Variants in THADA observed in about 807,000 individuals in gnomAD.
THADA encodes the protein THADA armadillo repeat containing, also known as tRNA (32-2'-O)-methyltransferase regulator THADA.
Under a neutral mutation model 219.8 loss-of-function variants are expected in THADA, and 213 were observed. The ratio of observed to expected loss-of-function variants is 0.97; its 90% CI spans 0.87 to 1.09. The LOEUF (loss-of-function observed/expected upper bound fraction) is 1.09, where lower values mean the gene tolerates loss of function less well. Among genes scored for constraint, THADA ranks in the 50% least tolerant of loss-of-function variants. THADA has a pLI of 0.00. For missense variants in THADA, 2,956 were observed against 2,311.3 expected (o/e 1.28, Z -5.72); for synonymous variants, 1,018 against 828.9 (o/e 1.23, Z -3.92).
chr2:43,399,185 G>C (rs1313702784), intron 28 of THADA, among the ~76,000 whole-genome samples: 1 of 152,168 alleles, frequency 6.6e-6, no homozygotes, highest in African/African-American at 2.4e-5. Flanking sequence ...AAGACTTCAT[G>C]ATTTTTCATC....
intron 32 of THADA, 48 bp downstream of exon 32, chr2:43,292,786 A>C: frequency 6.4e-7 from 1 of 1,568,788 alleles, no homozygotes; most frequent in African/African-American, 1.3e-5. Flanking sequence ...TGGCTCACAA[A>C]AGAATGTGGG....
At chr2:43,474,902 C>A (rs1027502137) in intron 26 of THADA, among the ~76,000 whole-genome samples, 4 of 152,094 alleles carry the variant, frequency 2.6e-5, no homozygotes, top group African/African-American at 9.7e-5. Flanking sequence ...TCTACTAAGC[C>A]TGAGCGGTCT....
intron 1 of THADA, among the ~76,000 whole-genome samples, chr2:43,595,352 A>C (rs1407629318): frequency 6.6e-6 from 1 of 152,198 alleles, no homozygotes; most frequent in African/African-American, 2.4e-5. Flanking sequence ...AGGGATAGTC[A>C]GATCTAGAGG....
intron 26 of THADA, among the ~76,000 whole-genome samples, chr2:43,462,703 T>C (rs1296731483): frequency 1.3e-5 from 2 of 152,318 alleles, no homozygotes; most frequent in South Asian, 2.1e-4. Flanking sequence ...CTGTGCCCTA[T>C]GGTTGCCATT....
chr2:43,365,447 T>C (rs987674228), intron 29 of THADA, among the ~76,000 whole-genome samples: 2 of 151,878 alleles, frequency 1.3e-5, no homozygotes, highest in African/African-American at 4.8e-5. Context: ...GGCAGGCGCC[T>C]GTAGTCCCAG....
intron 22 of THADA, among the ~76,000 whole-genome samples, chr2:43,520,711 TATACAC>T (rs765533977): frequency 2.0e-3 from 257 of 131,442 alleles, no homozygotes; most frequent in African/African-American, 4.7e-3. Flanking sequence ...CGTATATATA[TATACAC>T]ACACACACAC....
chr2:43,527,827 G>T, intron 22 of THADA, 52 bp downstream of exon 22: 1 of 1,283,834 alleles, frequency 7.8e-7, no homozygotes, highest in African/African-American at 1.5e-5. Context: ...CCAAGCATAT[G>T]CTTTGTATAT....
chr2:43,445,707 C>T (rs1416026748), intron 26 of THADA, among the ~76,000 whole-genome samples: 1 of 152,194 alleles, frequency 6.6e-6, no homozygotes, highest in African/African-American at 2.4e-5. Flanking sequence ...GAGTCTTGCT[C>T]TGTCACCCAG....
At chr2:43,279,538 T>C (rs1331991298) in intron 36 of THADA, among the ~76,000 whole-genome samples, 1 of 152,256 alleles carries the variant, frequency 6.6e-6, no homozygotes, top group Non-Finnish European at 1.5e-5. Flanking sequence ...CTACGGCTAG[T>C]AGATCAAATC....
intron 25 of THADA, among the ~76,000 whole-genome samples, chr2:43,486,254 G>A (rs1171406681): frequency 1.3e-5 from 2 of 152,128 alleles, no homozygotes; most frequent in African/African-American, 4.8e-5. Flanking sequence ...AAGATAAGAG[G>A]CAGGAATTAC....
chr2:43,539,683 G>A (rs1695053657), intron 21 of THADA, among the ~76,000 whole-genome samples: 1 of 152,154 alleles, frequency 6.6e-6, no homozygotes, highest in Non-Finnish European at 1.5e-5. Flanking sequence ...AAAAATGACT[G>A]GACCTCATTA....
intron 29 of THADA, 24 bp downstream of exon 29, chr2:43,397,947 G>C: frequency 4.3e-6 from 7 of 1,612,718 alleles, no homozygotes; most frequent in Non-Finnish European, 5.1e-6. Flanking sequence ...TTTGACAGAA[G>C]TCACACAAAG....
At chr2:43,497,655 G>C (rs536709524) in intron 25 of THADA, among the ~76,000 whole-genome samples, 3 of 152,318 alleles carry the variant, frequency 2.0e-5, no homozygotes, top group African/African-American at 7.2e-5. Context: ...GGGAGGCCAA[G>C]GTGGGCAGAT....
At chr2:43,452,618 G>C (rs1352309786) in intron 26 of THADA, among the ~76,000 whole-genome samples, 3 of 152,136 alleles carry the variant, frequency 2.0e-5, no homozygotes, top group Admixed American at 6.5e-5. Flanking sequence ...CCATGGTTTG[G>C]TTGTATGGCA....
At chr2:43,514,906 A>G (rs1341241901) in intron 22 of THADA, among the ~76,000 whole-genome samples, 1 of 77,358 alleles carries the variant, frequency 1.3e-5, no homozygotes, top group Non-Finnish European at 2.2e-5. Flanking sequence ...TATGTATAAT[A>G]TATATTTTAT....
intron 26 of THADA, among the ~76,000 whole-genome samples, chr2:43,437,315 T>C (rs547198775): frequency 1.4e-4 from 21 of 152,302 alleles, no homozygotes; most frequent in African/African-American, 4.3e-4. Context: ...TGTACCTGGC[T>C]TAATGGCTTG....
intron 24 of THADA, among the ~76,000 whole-genome samples, 152 bp from the exon 25 acceptor site, chr2:43,499,107 C>T (rs1380685395): frequency 6.6e-6 from 1 of 152,170 alleles, no homozygotes; most frequent in Non-Finnish European, 1.5e-5. Flanking sequence ...TAATAAAACA[C>T]ATCCAGTAGC....
chr2:43,591,488 C>T (rs1023334705), intron 3 of THADA, among the ~76,000 whole-genome samples: 3 of 152,034 alleles, frequency 2.0e-5, no homozygotes, highest in Non-Finnish European at 4.4e-5. Context: ...GAATCACAGA[C>T]CTGTTAATGG....
intron 31 of THADA, among the ~76,000 whole-genome samples, chr2:43,297,339 C>T (rs1572962679): frequency 1.0e-5 from 1 of 97,786 alleles, no homozygotes; most frequent in Non-Finnish European, 1.9e-5. Context: ...GCCCCTCCGC[C>T]CGGCAGCTGC....
Sources: allele counts gnomAD v4.1 joint callset (sites outside exome capture counted in the v4.1 genomes callset), GRCh38; gene constraint gnomAD v4.1.1; transcripts MANE v1.5; gene names NCBI Gene and HGNC (gene_info 2026-07-23, HGNC 2026-07-21).